The following PBX1 variants were observed in gnomAD, a reference collection of about 807,000 sequenced individuals.
PBX1 encodes PBX homeobox 1.
Under a neutral mutation model 53.4 loss-of-function variants are expected in PBX1, and 6 were observed. The ratio of observed to expected loss-of-function variants is 0.11; its 90% CI spans 0.06 to 0.22. The LOEUF is 0.22. PBX1 is among the 10% of genes least tolerant of loss of function. The probability of loss-of-function intolerance (pLI) is 1.00; values close to 1 mark genes in which losing one functional copy is unlikely to be tolerated. For synonymous variants in PBX1, 204 were observed against 212.3 expected, an observed-to-expected ratio of 0.96 and a Z score of 0.34; for missense variants, 251 against 551.4, an observed-to-expected ratio of 0.46 and a Z score of 5.46.
intron 2 of PBX1, among the ~76,000 whole-genome samples, chr1:164,689,185 G>A (rs1662308143): frequency 6.6e-6 from 1 of 152,216 alleles, no homozygotes; most frequent in Non-Finnish European, 1.5e-5. Context: ...ATGAATGTTT[G>A]TTTATCCTCA....
chr1:164,623,092 C>A (rs2101857998), intron 2 of PBX1, among the ~76,000 whole-genome samples: 1 of 152,320 alleles, frequency 6.6e-6, no homozygotes, highest in African/African-American at 2.4e-5. Flanking sequence ...GGATTACAGG[C>A]ATGAGCCAAC....
intron 2 of PBX1, among the ~76,000 whole-genome samples, chr1:164,771,856 C>G (rs1451251309): frequency 6.6e-6 from 1 of 152,084 alleles, no homozygotes; most frequent in African/African-American, 2.4e-5. Flanking sequence ...TACCCATCTG[C>G]CCCCGCCAGA....
Position 164,849,751 on chromosome 1 carries a change from G to A in PBX1, c.*3075G>A. The stretch of plus-strand genomic sequence containing the variant: ...CTTCTTTCAATTTATGTTTTATTTT[G>A]CTATGGTGGTGATTCTTTATTTGCT... On this transcript the variant is annotated 3_prime_UTR_variant, in exon 9 of 9. Coordinates refer to ENST00000420696, the MANE Select transcript of PBX1 (RefSeq NM_002585.4). 1 of 250,182 alleles carries A rather than the reference G, an allele frequency of 4.0e-6. No individual in the cohort carries two copies. The highest frequency in any genetic ancestry group is 7.7e-6 in the Non-Finnish European group (1 of 129,604). 15.5% of individuals were successfully genotyped at this position (250,182 alleles called of 1,614,324 possible).
intron 8 of PBX1, 136 bp downstream of exon 8, chr1:164,821,762 A>G (rs528175522): frequency 2.7e-6 from 2 of 728,270 alleles, no homozygotes; most frequent in South Asian, 1.6e-5. Context: ...TTGTTTCTGT[A>G]TCGGTCATGC....
rs1663502602 is a variant in PBX1, at chr1:164,707,457, A to AGAGAG, written c.266-85037_266-85036insGAGAG. On this transcript the variant is annotated intron_variant, in intron 2 of 8. Coordinates refer to ENST00000420696, the MANE Select transcript of PBX1 (RefSeq NM_002585.4). ...AGAGAGAGAGAGAGAGAGAGAGAGAAAGTGCTGAATCCCCTGTAATCCTGT... is the reference window on the plus strand; with the variant it reads ...AGAGAGAGAGAGAGAGAGAGAGAGAAGAGAGAGTGCTGAATCCCCTGTAATCCTGT... 7.5e-4 allele frequency among the ~76,000 whole-genome samples: 76 copies of AGAGAG among 100,926 alleles called. 1 individual carries two copies. The highest frequency in any genetic ancestry group is 3.3e-3 in the African/African-American group (73 of 22,452). 66.2% of individuals were successfully genotyped at this position (100,926 alleles called of 152,430 possible).
chr1:164,730,331 G>C (rs979884963), intron 2 of PBX1, among the ~76,000 whole-genome samples: 5 of 152,150 alleles, frequency 3.3e-5, no homozygotes, highest in African/African-American at 1.2e-4. Flanking sequence ...TGATGCTGCT[G>C]TGTGCCCAGA....
chr1:164,724,329 T>C (rs1008155809), intron 2 of PBX1, among the ~76,000 whole-genome samples: 1 of 152,182 alleles, frequency 6.6e-6, no homozygotes, highest in Non-Finnish European at 1.5e-5. Flanking sequence ...TATATGTATG[T>C]CATACAAACA....
chr1:164,591,665 A>C (rs895209790), intron 2 of PBX1, among the ~76,000 whole-genome samples: 3 of 152,214 alleles, frequency 2.0e-5, no homozygotes, highest in Non-Finnish European at 4.4e-5. Context: ...GCTTGTGTGC[A>C]TATTAAATAA....
chr1:164,651,505 T>C (rs1220734138), intron 2 of PBX1, among the ~76,000 whole-genome samples: 1 of 152,132 alleles, frequency 6.6e-6, no homozygotes, highest in Non-Finnish European at 1.5e-5. Context: ...GTGGCTGCTC[T>C]GCTCCCCACC....
intron 2 of PBX1, among the ~76,000 whole-genome samples, chr1:164,614,122 A>G (rs1268248695): frequency 6.6e-6 from 1 of 152,214 alleles, no homozygotes; most frequent in Admixed American, 6.5e-5. Context: ...GAGGCAAAGT[A>G]CAATTCCGTT....
chr1:164,778,918 A>G (rs571593117), intron 2 of PBX1, among the ~76,000 whole-genome samples: 1 of 152,304 alleles, frequency 6.6e-6, no homozygotes, highest in African/African-American at 2.4e-5. Flanking sequence ...AGTGAAGTCA[A>G]CTGCAGAACT....
chr1:164,590,048 TAGTA>T (rs1655252903), intron 2 of PBX1, among the ~76,000 whole-genome samples: 1 of 148,600 alleles, frequency 6.7e-6, no homozygotes, highest in Admixed American at 6.6e-5. Flanking sequence ...TTTCTACAAA[TAGTA>T]ATAATAATAA....
At chr1:164,592,825 G>C (rs1310217646) in intron 2 of PBX1, among the ~76,000 whole-genome samples, 1 of 152,174 alleles carries the variant, frequency 6.6e-6, no homozygotes, top group African/African-American at 2.4e-5. Flanking sequence ...CCTTGCTGAG[G>C]ATAAAGACTG....
At chr1:164,674,285 G>A (rs555375243) in intron 2 of PBX1, among the ~76,000 whole-genome samples, 45 of 152,314 alleles carry the variant, frequency 3.0e-4, no homozygotes, top group Admixed American at 5.2e-4. Flanking sequence ...TGGACAAAGA[G>A]GAAGGATGAG....
intron 2 of PBX1, among the ~76,000 whole-genome samples, chr1:164,707,416 T>TGAGAGAGAGAGAGA (rs1187837585): frequency 9.4e-6 from 1 of 106,046 alleles, no homozygotes; most frequent in African/African-American, 4.7e-5. Context: ...TGTGTGTGTG[T>TGAGAGAGAGAGAGA]GTGAGAGAGA....
At chr1:164,730,806 T>G (rs1664936751) in intron 2 of PBX1, among the ~76,000 whole-genome samples, 1 of 152,218 alleles carries the variant, frequency 6.6e-6, no homozygotes, top group African/African-American at 2.4e-5. Flanking sequence ...AAGAAGCAAC[T>G]AGAATAATTA....
chr1:164,615,859 A>G (rs1657241842), intron 2 of PBX1, among the ~76,000 whole-genome samples: 1 of 152,132 alleles, frequency 6.6e-6, no homozygotes, highest in African/African-American at 2.4e-5. Context: ...TCTGTGAATG[A>G]CCACAAACCC....
At chr1:164,791,271 A>T (rs1329961190) in intron 2 of PBX1, among the ~76,000 whole-genome samples, 3 of 152,236 alleles carry the variant, frequency 2.0e-5, no homozygotes, top group African/African-American at 4.8e-5. Context: ...TTACTAAATC[A>T]CTGGATCTCC....
intron 2 of PBX1, among the ~76,000 whole-genome samples, chr1:164,861,298 C>T (rs1340175396): frequency 1.3e-5 from 2 of 151,996 alleles, no homozygotes; most frequent in African/African-American, 2.4e-5. Context: ...GTGCCCTTGT[C>T]GTTTTGTTTA....
Sources: allele counts gnomAD v4.1 joint callset (sites outside exome capture counted in the v4.1 genomes callset), GRCh38; gene constraint gnomAD v4.1.1; transcripts MANE v1.5; gene names NCBI Gene and HGNC (gene_info 2026-07-23, HGNC 2026-07-21).